ZNF721: variants seen among roughly 807,000 people sequenced by gnomAD.
The protein encoded by ZNF721 is zinc finger protein 721.
ZNF721 carries 2 observed loss-of-function variants against 2.4 expected under a neutral mutation model. That is an observed-to-expected ratio of 0.82 (90% CI 0.34 to 2.58). The LOEUF (loss-of-function observed/expected upper bound fraction) is 2.58. Among genes scored for constraint, ZNF721 ranks in the 30% most tolerant of loss-of-function variants. The pLI, the probability that ZNF721 is intolerant of heterozygous loss-of-function variation, is 0.11. For synonymous variants in ZNF721, 398 were observed against 381.8 expected (o/e 1.04, Z -0.50); for missense variants, 1,187 against 1,085.5 (o/e 1.09, Z -1.31).
chr4:459,768 T>C (rs1714960318), intron 2 of ZNF721, among the ~76,000 whole-genome samples: 1 of 151,510 alleles, frequency 6.6e-6, no homozygotes, highest in Non-Finnish European at 1.5e-5. Flanking sequence ...GAGGCAGAGC[T>C]TCCAGTGAGC....
rs533436453 is a variant in ZNF721 at position 462,658 on chromosome 4, T to C, written c.34+9917A>G. 3.9e-5 allele frequency among the ~76,000 whole-genome samples: 6 copies of C among 152,304 alleles called. No homozygotes were observed. In the East Asian group the frequency reaches 1.2e-3, roughly 29 times the overall value. ...ACAAAAACAAGCAACAGGGAAAGGA[T>C]TCCCTATTTAATAAATGGTGTTGGG... On this transcript the variant is annotated intron_variant, in intron 2 of 2. Transcript: ENST00000511833.
At chr4:453,344 A>G (rs1376644512) in intron 2 of ZNF721, 1 of 152,272 alleles carries the variant, frequency 6.6e-6, no homozygotes, top group Non-Finnish European at 1.5e-5. Context: ...TTAATTGGGA[A>G]TAAAGAGGTT....
chr4:476,469 C>T (rs540600858), intron 1 of ZNF721, among the ~76,000 whole-genome samples: 3 of 152,190 alleles, frequency 2.0e-5, no homozygotes, highest in Non-Finnish European at 4.4e-5. Context: ...CAAACTGGAC[C>T]AGAACAAACA....
chr4:477,224 A>G (rs1715646979), intron 1 of ZNF721, among the ~76,000 whole-genome samples: 1 of 151,740 alleles, frequency 6.6e-6, no homozygotes, highest in South Asian at 2.1e-4. Flanking sequence ...TCCCTGACAA[A>G]GAGCAAGAGA....
rs1299196286 is a variant in ZNF721, at chr4:444,280, T to C, written c.187A>G (p.Lys63Glu). The change falls in exon 3 of 3, where the codon AAG becomes GAG. Residue 63 changes from lysine (K) to glutamate (E), a missense_variant. By Grantham distance (56) the Lys-to-Glu change is moderately conservative (BLOSUM62 1). Transcript: ENST00000511833. ...TTATTAATTCCATTATAAACTCCCT[T>C]CTGCACTTTACACACGTTCATACTT... ...CKSMNVCKVQ[K>E]GVYNGINKCL... 1.9e-6 allele frequency: 3 copies of C among 1,614,088 alleles called. No individual in the cohort carries two copies. Among genetic ancestry groups the C allele is most frequent in the Non-Finnish European group, 2.5e-6 (3 of 1,179,968 alleles).
intron 1 of ZNF721, among the ~76,000 whole-genome samples, chr4:483,111 G>A (rs1715811247): frequency 6.6e-6 from 1 of 152,224 alleles, no homozygotes; most frequent in Non-Finnish European, 1.5e-5. Flanking sequence ...GATGGGGAAG[G>A]AGTTGAAGTA....
chr4:488,756 G>C (rs1715954175), intron 1 of ZNF721, among the ~76,000 whole-genome samples: 1 of 152,078 alleles, frequency 6.6e-6, no homozygotes, highest in African/African-American at 2.4e-5. Flanking sequence ...CTTGAACACA[G>C]TAGGTGGATG....
rs1480814937 is a variant in ZNF721, at chr4:472,455, AC to A, written c.34+119del. The A allele has an allele frequency of 5.4e-6, 6 of 1,105,674 alleles. No homozygotes were observed. In the African/African-American group the frequency reaches 9.6e-5, roughly 18 times the overall value. The allele number at this position is 1,105,674 out of a possible 1,614,324, so 68.5% of individuals were successfully genotyped here. On this transcript the variant is annotated intron_variant, in intron 2 of 2. Coordinates refer to ENST00000511833, the MANE Select transcript of ZNF721 (RefSeq NM_133474.4). ...AATTTACTATACACATATATAACTT[AC>A]ATAGCTGTGTGTGTGAGACACACAT...
intron 1 of ZNF721, among the ~76,000 whole-genome samples, chr4:489,594 A>C (rs1553871165): frequency 6.6e-6 from 1 of 152,124 alleles, no homozygotes; most frequent in Non-Finnish European, 1.5e-5. Context: ...CCTGAGGAGA[A>C]AAGTTGGTAG....
At chr4:465,488 G>A (rs1715217289) in intron 2 of ZNF721, among the ~76,000 whole-genome samples, 1 of 150,692 alleles carries the variant, frequency 6.6e-6, no homozygotes, top group African/African-American at 2.4e-5. Context: ...CTGGAGTGCA[G>A]TGGTGCCATC....
intron 2 of ZNF721, among the ~76,000 whole-genome samples, chr4:444,979 CTTTTTTTT>C (rs569762644): frequency 9.2e-6 from 1 of 108,736 alleles, no homozygotes. Flanking sequence ...TGATGAGAGA[CTTTTTTTT>C]TTTTTTTTTT....
chr4:476,059 T>C (rs1715616794), intron 1 of ZNF721, among the ~76,000 whole-genome samples: 5 of 152,206 alleles, frequency 3.3e-5, no homozygotes, highest in Admixed American at 3.3e-4. Context: ...TCTGGGCCCT[T>C]TAAATATTTT....
At chr4:477,860 A>G (rs1306726303) in intron 1 of ZNF721, among the ~76,000 whole-genome samples, 5 of 152,258 alleles carry the variant, frequency 3.3e-5, no homozygotes, top group Middle Eastern at 3.4e-3. Flanking sequence ...AGTAATAAGC[A>G]ATGCTGCCAT....
intron 1 of ZNF721, among the ~76,000 whole-genome samples, chr4:494,268 G>C (rs1576975438): frequency 6.7e-6 from 1 of 149,682 alleles, no homozygotes; most frequent in African/African-American, 2.5e-5. Flanking sequence ...TGCAAGCTCC[G>C]CCTCCTGGGT....
chr4:486,928 T>G (rs782090430), intron 1 of ZNF721, among the ~76,000 whole-genome samples: 14 of 152,140 alleles, frequency 9.2e-5, no homozygotes, highest in Non-Finnish European at 1.8e-4. Flanking sequence ...AAAATCTTGC[T>G]CCTATTTCAG....
At chr4:487,647 A>C (rs1715929706) in intron 1 of ZNF721, among the ~76,000 whole-genome samples, 1 of 152,218 alleles carries the variant, frequency 6.6e-6, no homozygotes, top group Non-Finnish European at 1.5e-5. Context: ...GCACCCTGTA[A>C]GTATTGATTT....
At chr4:495,870 G>A (rs902488287) in intron 1 of ZNF721, among the ~76,000 whole-genome samples, 1 of 152,086 alleles carries the variant, frequency 6.6e-6, no homozygotes, top group Non-Finnish European at 1.5e-5. Flanking sequence ...CCAAAATGCT[G>A]GGATTACAGG....
At chr4:486,220 G>A (rs1290502588) in intron 1 of ZNF721, among the ~76,000 whole-genome samples, 5 of 149,140 alleles carry the variant, frequency 3.4e-5, no homozygotes, top group South Asian at 4.3e-4. Flanking sequence ...ATGCAGTGGC[G>A]CGATCTTGGC....
At chr4:470,460 C>A (rs1176386076) in intron 2 of ZNF721, among the ~76,000 whole-genome samples, 1 of 152,046 alleles carries the variant, frequency 6.6e-6, no homozygotes, top group Non-Finnish European at 1.5e-5. Flanking sequence ...TACCTGATAA[C>A]AAGTTAATTT....
Sources: gnomAD v4.1 joint callset for allele counts (sites outside exome capture counted in the v4.1 genomes callset) on GRCh38, gnomAD v4.1.1 for gene constraint, MANE v1.5 for transcripts, NCBI Gene and HGNC (gene_info 2026-07-23, HGNC 2026-07-21) for gene names.